MITF: variants seen among roughly 807,000 people sequenced by gnomAD.
MITF encodes the protein melanocyte inducing transcription factor, also known as microphthalmia-associated transcription factor.
Under a neutral mutation model 60.5 loss-of-function variants are expected in MITF, and 17 were observed. That is an observed-to-expected ratio of 0.28 (90% CI 0.19 to 0.42). The LOEUF (loss-of-function observed/expected upper bound fraction) is 0.42. Among genes scored for constraint, MITF ranks in the 10% least tolerant of loss-of-function variants. MITF has a pLI of 1.00. For missense variants in MITF, 622 were observed against 683.5 expected (o/e 0.91, Z 1.00); for synonymous variants, 260 against 248.5 (o/e 1.05, Z -0.43).
intron 1 of MITF, among the ~76,000 whole-genome samples, chr3:69,876,349 T>C (rs1044888977): frequency 1.3e-5 from 2 of 152,210 alleles, no homozygotes; most frequent in African/African-American, 4.8e-5. Context: ...TGTTTTAACC[T>C]GACAGGCTTT....
chr3:69,940,321 T>C (rs550890425), intron 4 of MITF, among the ~76,000 whole-genome samples: 15 of 152,304 alleles, frequency 9.8e-5, no homozygotes, highest in Admixed American at 2.0e-4. Flanking sequence ...TGTGATTTCA[T>C]TGTGTAACTA....
intron 1 of MITF, among the ~76,000 whole-genome samples, chr3:69,831,345 C>T (rs908660730): frequency 6.6e-6 from 1 of 152,144 alleles, no homozygotes; most frequent in African/African-American, 2.4e-5. Flanking sequence ...CGTTCTTGTC[C>T]TCTTTTTCTG....
At chr3:69,941,365 G>T in intron 5 of MITF, 34 bp downstream of exon 5, 1 of 1,399,368 alleles carries the variant, frequency 7.1e-7, no homozygotes, top group Non-Finnish European at 1.0e-6. Flanking sequence ...AGAAAATCTT[G>T]AGGTGTTTCC....
intron 1 of MITF, among the ~76,000 whole-genome samples, chr3:69,846,436 C>A (rs1370084776): frequency 6.6e-6 from 1 of 152,118 alleles, no homozygotes; most frequent in African/African-American, 2.4e-5. Flanking sequence ...CTACCCAGTG[C>A]CAAGTCTAGT....
At chr3:69,887,919 G>C (rs1177447473) in intron 2 of MITF, among the ~76,000 whole-genome samples, 1 of 152,006 alleles carries the variant, frequency 6.6e-6, no homozygotes, top group Non-Finnish European at 1.5e-5. Context: ...CTTCTGTCAG[G>C]TGTAAACTCA....
At chr3:69,911,471 G>A (rs768453236) in intron 2 of MITF, among the ~76,000 whole-genome samples, 2 of 152,094 alleles carry the variant, frequency 1.3e-5, no homozygotes, top group Non-Finnish European at 2.9e-5. Flanking sequence ...TGCAATTCCT[G>A]TTAGGTTTTT....
chr3:69,965,077 C>T lies in MITF; in HGVS notation c.1410C>T (p.Ala470=). 1 of 1,614,136 alleles carries T rather than the reference C, an allele frequency of 6.2e-7. No homozygotes were observed. The highest frequency in any genetic ancestry group is 8.5e-7 in the Non-Finnish European group (1 of 1,180,016). The change falls in exon 10 of 10, where the codon GCC becomes GCT. Residue 470 remains alanine (A), a synonymous_variant. Coordinates refer to ENST00000352241, the MANE Select transcript of MITF (RefSeq NM_001354604.2). The part of the protein sequence containing the change: ...NLGTGTEANQ[A]YSVPTKMGSK... ...GAACTGGGACTGAGGCCAACCAAGC[C>T]TATAGTGTCCCCACAAAAATGGGAT...
intron 7 of MITF, among the ~76,000 whole-genome samples, chr3:69,954,414 C>T (rs1373377119): frequency 6.6e-6 from 1 of 152,086 alleles, no homozygotes; most frequent in East Asian, 1.9e-4. Context: ...TCAGCATGGA[C>T]ATGGGAGGTA....
intron 1 of MITF, among the ~76,000 whole-genome samples, chr3:69,842,558 A>G (rs2063658277): frequency 6.6e-6 from 1 of 152,214 alleles, no homozygotes; most frequent in African/African-American, 2.4e-5. Context: ...TAACACTCTT[A>G]GTAAACGGAG....
Position 69,764,250 on chromosome 3 carries a change from C to T in MITF, c.104+24549C>T, listed in dbSNP as rs569207285. On this transcript the variant is annotated intron_variant, in intron 1 of 9. Coordinates refer to ENST00000352241, the MANE Select transcript of MITF (RefSeq NM_001354604.2). ...CACTGCAAAGTGCATTAATTTTCCACATTTCCAAATGCATTTTCCAGTGGT... is the reference window on the plus strand; with the variant it reads ...CACTGCAAAGTGCATTAATTTTCCATATTTCCAAATGCATTTTCCAGTGGT... 3.3e-5 allele frequency among the ~76,000 whole-genome samples: 5 copies of T among 152,328 alleles called. No individual in the cohort carries two copies. In the South Asian group the frequency reaches 1.0e-3, roughly 32 times the overall value.
At chr3:69,901,673 A>G (rs1575920571) in intron 2 of MITF, among the ~76,000 whole-genome samples, 1 of 152,206 alleles carries the variant, frequency 6.6e-6, no homozygotes. Flanking sequence ...ACAGTTCTGC[A>G]TAGATTGCAA....
chr3:69,920,104 A>G (rs1175279202), intron 2 of MITF, among the ~76,000 whole-genome samples: 1 of 152,226 alleles, frequency 6.6e-6, no homozygotes, highest in Non-Finnish European at 1.5e-5. Context: ...ATACAGAGAT[A>G]GGAGCTGAGG....
chr3:69,889,963 G>A (rs1379868921), intron 2 of MITF, among the ~76,000 whole-genome samples: 1 of 152,054 alleles, frequency 6.6e-6, no homozygotes, highest in African/African-American at 2.4e-5. Flanking sequence ...CTCAGGAAAG[G>A]ATTCTGCTCT....
intron 2 of MITF, among the ~76,000 whole-genome samples, chr3:69,911,863 T>C (rs1027165338): frequency 6.6e-6 from 1 of 152,212 alleles, no homozygotes; most frequent in Non-Finnish European, 1.5e-5. Flanking sequence ...AGTTTGGCAA[T>C]ATTTAATAAA....
intron 1 of MITF, among the ~76,000 whole-genome samples, chr3:69,877,833 T>A (rs533144304): frequency 1.3e-5 from 2 of 152,292 alleles, no homozygotes; most frequent in Admixed American, 6.5e-5. Flanking sequence ...ATACCAGAGT[T>A]TATATTCAAG....
At chr3:69,849,111 C>T (rs1181262643) in intron 1 of MITF, among the ~76,000 whole-genome samples, 1 of 150,418 alleles carries the variant, frequency 6.6e-6, no homozygotes, top group Non-Finnish European at 1.5e-5. Flanking sequence ...ACTACAGGCG[C>T]CCGCCACTAC....
intron 1 of MITF, among the ~76,000 whole-genome samples, chr3:69,740,822 G>T (rs1185983685): frequency 6.6e-6 from 1 of 152,168 alleles, no homozygotes; most frequent in Non-Finnish European, 1.5e-5. Flanking sequence ...ATGGGGCCTG[G>T]GTGAATGGGC....
intron 1 of MITF, among the ~76,000 whole-genome samples, chr3:69,754,192 G>C (rs1302062776): frequency 1.3e-5 from 2 of 151,906 alleles, no homozygotes; most frequent in African/African-American, 4.8e-5. Flanking sequence ...TTATGAGTGT[G>C]GCACCACCCC....
chr3:69,895,235 C>A (rs2064848265), intron 2 of MITF, among the ~76,000 whole-genome samples: 1 of 152,192 alleles, frequency 6.6e-6, no homozygotes, highest in Non-Finnish European at 1.5e-5. Flanking sequence ...TAAAGAACAG[C>A]AGTGTATATA....
Sources: allele counts gnomAD v4.1 joint callset (sites outside exome capture counted in the v4.1 genomes callset), GRCh38; gene constraint gnomAD v4.1.1; transcripts MANE v1.5; gene names NCBI Gene and HGNC (gene_info 2026-07-23, HGNC 2026-07-21).